Variants in SKP1 observed in about 807,000 individuals in gnomAD.
SKP1 encodes the protein S-phase kinase-associated protein 1.
A neutral mutation model predicts 21.5 loss-of-function variants in SKP1; 1 was observed. The observed-to-expected ratio is 0.05, with a 90% CI of 0.02 to 0.22. The LOEUF is 0.22. Among genes scored for constraint, SKP1 ranks in the 10% least tolerant of loss-of-function variants. The probability of loss-of-function intolerance (pLI) is 1.00; values close to 1 mark genes in which losing one functional copy is unlikely to be tolerated. For synonymous variants in SKP1, 59 were observed against 59.3 expected (o/e 0.99, Z 0.03); for missense variants, 70 against 192.0 (o/e 0.36, Z 3.76).
chr5:134,150,867 G>C lies in SKP1; in HGVS notation c.*6866C>G, dbSNP rs1374127533. ...TGAGCATCTGAAAATACTCAAAACG[G>C]CACCGAGTTTGAAAACAGGAAACAT... On this transcript the variant is annotated 3_prime_UTR_variant, in exon 6 of 6. Transcript: ENST00000353411. The C allele has an allele frequency of 6.6e-6, 1 of 152,164 alleles. No homozygotes were observed. Among genetic ancestry groups the C allele is most frequent in the Non-Finnish European group, 1.5e-5 (1 of 68,042 alleles). The allele number at this position is 152,164 out of a possible 1,614,324, so 9.4% of individuals were successfully genotyped here. A position where few individuals can be genotyped will look rare whatever the true frequency, so the allele number is the denominator to read the frequency against.
intron 1 of SKP1, chr5:134,174,469 G>A: frequency 1.0e-6 from 1 of 994,092 alleles, no homozygotes; most frequent in Non-Finnish European, 1.2e-6. Flanking sequence ...TACCTGTGAA[G>A]ATGAGTTCAG....
intron 1 of SKP1, chr5:134,175,161 C>T (rs1761515357): frequency 6.6e-6 from 1 of 152,186 alleles, no homozygotes; most frequent in Admixed American, 6.5e-5. Context: ...CCCATTACAT[C>T]GGTTAAAATA....
Position 134,157,724 on chromosome 5 carries a change from CACA to C in SKP1, c.*6_*8del, listed in dbSNP as rs765882316. 36 of 1,607,598 alleles carry C rather than the reference CACA, an allele frequency of 2.2e-5. No homozygotes were observed. The highest frequency in any genetic ancestry group is 2.9e-5 in the Non-Finnish European group (34 of 1,174,402). ...ATCCTTACAGTGTTACAGTGTCAGG[CACA>C]ACATTTCACTTCTCTTCACACCACT... On this transcript the variant is annotated 3_prime_UTR_variant, in exon 6 of 6. Transcript: ENST00000353411.
Position 134,151,453 on chromosome 5 carries a change from G to A in SKP1, c.*6280C>T, listed in dbSNP as rs1356871354. 3 of 267,648 alleles carry A rather than the reference G, an allele frequency of 1.1e-5. No homozygotes were observed. Among genetic ancestry groups the A allele is most frequent in the African/African-American group, 4.4e-5 (2 of 45,472 alleles). The allele number at this position is 267,648 out of a possible 1,614,324, so 16.6% of individuals were successfully genotyped here. ...AAAATCTGCAAAGCAACTGAAGAAG[G>A]CAGTTAGAGGTTGTGAAATGGTACA... On this transcript the variant is annotated 3_prime_UTR_variant, in exon 6 of 6. Transcript: ENST00000353411.
chr5:134,161,264 A>C (rs1228518404), intron 3 of SKP1, 134 bp from the exon 4 acceptor site: 8 of 694,338 alleles, frequency 1.2e-5, no homozygotes, highest in Non-Finnish European at 1.9e-5. Context: ...CCAAGCTTGA[A>C]AAACAAAAAT....
intron 2 of SKP1, chr5:134,170,997 C>G (rs1220307291): frequency 2.2e-6 from 1 of 455,566 alleles, no homozygotes; most frequent in African/African-American, 2.0e-5. Context: ...TTTTAGTGAG[C>G]ACAACATACT....
chr5:134,167,530 T>G (rs1225021630), intron 2 of SKP1, among the ~76,000 whole-genome samples: 2 of 150,022 alleles, frequency 1.3e-5, no homozygotes, highest in East Asian at 3.9e-4. Flanking sequence ...AGAGAGGGGT[T>G]TTTTTTTTTT....
intron 1 of SKP1, among the ~76,000 whole-genome samples, chr5:134,176,006 G>A (rs757594035): frequency 6.6e-6 from 1 of 152,084 alleles, no homozygotes; most frequent in Non-Finnish European, 1.5e-5. Flanking sequence ...TGGAGGAGAC[G>A]GTATTGTTCT....
intron 3 of SKP1, chr5:134,161,969 T>G (rs1292452552): frequency 6.6e-6 from 1 of 152,108 alleles, no homozygotes; most frequent in Non-Finnish European, 1.5e-5. Flanking sequence ...TCCATTTTTC[T>G]GTATGGCTAA....
At chr5:134,159,441 C>T (rs1363278330) in intron 4 of SKP1, among the ~76,000 whole-genome samples, 1 of 151,834 alleles carries the variant, frequency 6.6e-6, no homozygotes, top group Non-Finnish European at 1.5e-5. Context: ...AATTCAGTGG[C>T]GTGATCTCGG....
intron 2 of SKP1, among the ~76,000 whole-genome samples, chr5:134,172,498 C>T (rs1160978217): frequency 6.6e-6 from 1 of 151,760 alleles, no homozygotes; most frequent in Non-Finnish European, 1.5e-5. Context: ...TTCTAAGTCA[C>T]TTCCTTATGC....
chr5:134,159,831 G>A (rs964211439), intron 4 of SKP1, among the ~76,000 whole-genome samples: 1 of 151,914 alleles, frequency 6.6e-6, no homozygotes, highest in South Asian at 2.1e-4. Context: ...ATAGGCGTGA[G>A]CCACCGCGCC....
At chr5:134,170,085 C>T (rs182735648) in intron 2 of SKP1, among the ~76,000 whole-genome samples, 2 of 151,722 alleles carry the variant, frequency 1.3e-5, no homozygotes, top group Admixed American at 1.3e-4. Context: ...AGGGGAATTG[C>T]TTGAACCCAG....
intron 2 of SKP1, 65 bp from the exon 3 acceptor site, chr5:134,167,308 A>C (rs1761350123): frequency 7.7e-6 from 8 of 1,032,450 alleles, no homozygotes; most frequent in Non-Finnish European, 1.2e-5. Context: ...CAACCAGGCT[A>C]TGTCTCAAAA....
rs746566205 is a variant in SKP1, at chr5:134,151,639, T to C, written c.*6094A>G. 1 of 456,064 alleles carries C rather than the reference T, an allele frequency of 2.2e-6. No individual in the cohort carries two copies. 28.3% of individuals were successfully genotyped at this position (456,064 alleles called of 1,614,324 possible). A position where few individuals can be genotyped will look rare whatever the true frequency, so the allele number is the denominator to read the frequency against. On this transcript the variant is annotated 3_prime_UTR_variant, in exon 6 of 6. Coordinates refer to ENST00000353411, the MANE Select transcript of SKP1 (RefSeq NM_170679.3). ...TAAGAGATATCAGAAGGTCTGAATA[T>C]ACTTAAATACTTCCAGAAAATTTAA...
intron 2 of SKP1, among the ~76,000 whole-genome samples, chr5:134,171,368 T>C (rs1761437467): frequency 6.6e-6 from 1 of 152,186 alleles, no homozygotes; most frequent in East Asian, 1.9e-4. Context: ...CCACAAATCA[T>C]ACTCTACTAA....
At position 134,157,773 on chromosome 5, in the gene SKP1, A is replaced by G; in HGVS notation, c.457-5T>C. ...CCACTGGTTCTCTTTGCGTACCTAA[A>G]AGAGATGGATATAGGGAAGTACCTT... On this transcript the variant is annotated splice_region_variant and splice_polypyrimidine_tract_variant and intron_variant, in intron 5 of 5. Coordinates refer to ENST00000353411, the MANE Select transcript of SKP1 (RefSeq NM_170679.3). The G allele has an allele frequency of 1.2e-6, 2 of 1,613,540 alleles. No homozygotes were observed. Among genetic ancestry groups the G allele is most frequent in the Non-Finnish European group, 1.7e-6 (2 of 1,179,466 alleles).
chr5:134,169,673 T>A (rs61112583), intron 2 of SKP1, among the ~76,000 whole-genome samples: 1,741 of 151,962 alleles, frequency 0.011, 32 homozygotes, highest in African/African-American at 0.04. Context: ...AAGACCAGCC[T>A]GGCTAACATG....
chr5:134,158,223 C>CAAGA, intron 5 of SKP1: 1 of 1,428,066 alleles, frequency 7.0e-7, no homozygotes, highest in South Asian at 1.5e-5. Context: ...AATACATTAA[C>CAAGA]AAGAGCTCTT....
Sources: gnomAD v4.1 joint callset for allele counts (sites outside exome capture counted in the v4.1 genomes callset) on GRCh38, gnomAD v4.1.1 for gene constraint, MANE v1.5 for transcripts, NCBI Gene and HGNC (gene_info 2026-07-23, HGNC 2026-07-21) for gene names.